FAM110B: variants seen among roughly 807,000 people sequenced by gnomAD.
The protein encoded by FAM110B is family with sequence similarity 110 member B.
In FAM110B, 6 loss-of-function variants were observed where a neutral mutation model predicts 20.4. The observed-to-expected ratio is 0.29, with a 90% CI of 0.16 to 0.58. The LOEUF (loss-of-function observed/expected upper bound fraction) is 0.58. Among genes scored for constraint, FAM110B ranks in the 20% least tolerant of loss-of-function variants. FAM110B has a pLI of 0.90. For synonymous variants in FAM110B, 226 were observed against 214.1 expected, an observed-to-expected ratio of 1.06 and a Z score of -0.49; for missense variants, 434 against 498.2, an observed-to-expected ratio of 0.87 and a Z score of 1.23.
At chr8:58,072,720 TATC>T (rs1402372685) in intron 2 of FAM110B, among the ~76,000 whole-genome samples, 1 of 152,224 alleles carries the variant, frequency 6.6e-6, no homozygotes, top group Non-Finnish European at 1.5e-5. Context: ...TAAACATACA[TATC>T]ATATTTTAAA....
chr8:57,998,061 T>G (rs1320550677), intron 1 of FAM110B, among the ~76,000 whole-genome samples: 2 of 152,222 alleles, frequency 1.3e-5, no homozygotes, highest in Admixed American at 1.3e-4. Flanking sequence ...TCTTTTCAGG[T>G]TTGATGTCAA....
At chr8:58,020,250 T>G (rs1804724050) in intron 1 of FAM110B, among the ~76,000 whole-genome samples, 1 of 152,222 alleles carries the variant, frequency 6.6e-6, no homozygotes, top group African/African-American at 2.4e-5. Flanking sequence ...CTAAAGTCCT[T>G]CACTAGTGAG....
In FAM110B at chr8:58,148,322, G is replaced by T. The variant is rs1022703375; in HGVS notation, c.*979G>T. 6.0e-6 allele frequency: 1 copy of T among 166,948 alleles called. No individual in the cohort carries two copies. Among genetic ancestry groups the T allele is most frequent in the Non-Finnish European group, 1.5e-5 (1 of 68,098 alleles). 10.3% of individuals were successfully genotyped at this position (166,948 alleles called of 1,614,324 possible). On this transcript the variant is annotated 3_prime_UTR_variant, in exon 4 of 4. Coordinates refer to ENST00000519262, the MANE Select transcript of FAM110B (RefSeq NM_001377989.1). ...CAGAAGTCAAATACCAGCCATATCA[G>T]TAGAGCCTTCCATTCAAAAGTGAAC...
intron 3 of FAM110B, among the ~76,000 whole-genome samples, chr8:58,087,391 T>C (rs1806363565): frequency 6.6e-6 from 1 of 152,200 alleles, no homozygotes; most frequent in Admixed American, 6.5e-5. Flanking sequence ...GCTTTTTGAA[T>C]AGGCATATAC....
At position 58,014,793 on chromosome 8, in the gene FAM110B, C is replaced by T. The variant is rs190346625; in HGVS notation, c.-511-16813C>T. Among the ~76,000 whole-genome samples, 13 of 150,170 alleles carry T rather than the reference C, an allele frequency of 8.7e-5. No individual in the cohort carries two copies. The East Asian group carries it at 2.0e-3, about 23-fold the overall frequency. Reference sequence around the variant, plus strand: ...GTTATCGTTTATTAAACATTTTGGACATCTGGAAGCAAACCTATTATCTTT... The same window carrying T: ...GTTATCGTTTATTAAACATTTTGGATATCTGGAAGCAAACCTATTATCTTT... On this transcript the variant is annotated intron_variant, in intron 1 of 3. Transcript: ENST00000519262.
At chr8:58,074,457 C>T (rs1265276136) in intron 2 of FAM110B, among the ~76,000 whole-genome samples, 1 of 152,156 alleles carries the variant, frequency 6.6e-6, no homozygotes, top group Admixed American at 6.5e-5. Flanking sequence ...CCCAGAGAGC[C>T]CATGGCTTGT....
chr8:58,081,608 AT>A (rs1199781590), intron 3 of FAM110B, among the ~76,000 whole-genome samples: 4 of 151,888 alleles, frequency 2.6e-5, no homozygotes, highest in Non-Finnish European at 5.9e-5. Flanking sequence ...GCCACCTCTC[AT>A]CTGGGCTCTT....
chr8:58,058,288 T>A (rs975757286), intron 2 of FAM110B, among the ~76,000 whole-genome samples: 2 of 151,202 alleles, frequency 1.3e-5, no homozygotes, highest in Admixed American at 1.3e-4. Context: ...TTCTTTGACC[T>A]CAAGATGCTT....
chr8:58,066,110 C>T (rs980761933), intron 2 of FAM110B, among the ~76,000 whole-genome samples: 11 of 152,034 alleles, frequency 7.2e-5, no homozygotes, highest in African/African-American at 1.7e-4. Context: ...CGTAGTACCC[C>T]GCCCCCTTCA....
At chr8:58,062,330 G>T (rs1021777880) in intron 2 of FAM110B, among the ~76,000 whole-genome samples, 4 of 152,140 alleles carry the variant, frequency 2.6e-5, no homozygotes, top group Non-Finnish European at 4.4e-5. Context: ...TTCAACAGAA[G>T]AAAAGTCTTA....
intron 3 of FAM110B, among the ~76,000 whole-genome samples, chr8:58,136,083 C>T (rs551186496): frequency 1.2e-4 from 17 of 146,484 alleles, no homozygotes; most frequent in African/African-American, 4.3e-4. Flanking sequence ...GTGATCTCGG[C>T]TCACTGCAAC....
intron 3 of FAM110B, among the ~76,000 whole-genome samples, chr8:58,104,015 G>A (rs564936049): frequency 6.6e-6 from 1 of 152,296 alleles, no homozygotes; most frequent in African/African-American, 2.4e-5. Context: ...TGCCAAATGA[G>A]TGAATAAAAG....
intron 2 of FAM110B, among the ~76,000 whole-genome samples, chr8:58,071,007 G>A (rs754520619): frequency 5.9e-5 from 9 of 152,086 alleles, no homozygotes; most frequent in South Asian, 2.1e-4. Flanking sequence ...AGAAATTTTC[G>A]TCTCATGGCT....
chr8:58,115,489 G>A lies in FAM110B; in HGVS notation c.-324-30418G>A, dbSNP rs1807183042. 2.0e-5 allele frequency among the ~76,000 whole-genome samples: 3 copies of A among 151,654 alleles called. No individual in the cohort carries two copies. The South Asian group carries it at 6.2e-4, about 31-fold the overall frequency. The stretch of plus-strand genomic sequence containing the variant: ...GCTCACTGCAACCTCCTCCTCCTGG[G>A]TTCAGTCGATTCTCGTGCCTCAGCC... On this transcript the variant is annotated intron_variant, in intron 3 of 3. Coordinates refer to ENST00000519262, the MANE Select transcript of FAM110B (RefSeq NM_001377989.1).
rs1038919886 is a variant in FAM110B, at chr8:58,074,253, G to GT, written c.-413-1281dup. On this transcript the variant is annotated intron_variant, in intron 2 of 3. Coordinates refer to ENST00000519262, the MANE Select transcript of FAM110B (RefSeq NM_001377989.1). ...TCCCTGTCTCCTTTGCTACCCCCCT[G>GT]TAAGTAGCTATTCTCCAACGCTCTG... is the stretch of plus-strand genomic sequence containing the variant. Among the ~76,000 whole-genome samples, 59 of 152,142 alleles carry GT rather than the reference G, an allele frequency of 3.9e-4. 1 individual carries two copies. Among genetic ancestry groups the GT allele is most frequent in the Admixed American group, 3.9e-4 (6 of 15,290 alleles).
At chr8:58,063,919 A>G (rs1362108429) in intron 2 of FAM110B, among the ~76,000 whole-genome samples, 1 of 152,218 alleles carries the variant, frequency 6.6e-6, no homozygotes, top group Non-Finnish European at 1.5e-5. Flanking sequence ...TTTATAAAGA[A>G]AAGAGGTTTA....
At chr8:58,075,843 G>A (rs778086266) in intron 3 of FAM110B, among the ~76,000 whole-genome samples, 6 of 152,178 alleles carry the variant, frequency 3.9e-5, no homozygotes, top group African/African-American at 1.2e-4. Flanking sequence ...GCTGTTTGCC[G>A]TTCCAAGGGG....
chr8:58,084,164 T>A (rs1806271476), intron 3 of FAM110B, among the ~76,000 whole-genome samples: 1 of 152,206 alleles, frequency 6.6e-6, no homozygotes, highest in Admixed American at 6.5e-5. Flanking sequence ...AAGACCTTGC[T>A]GGCTGCCATC....
At chr8:58,117,913 AC>A (rs1307446472) in intron 3 of FAM110B, among the ~76,000 whole-genome samples, 2 of 152,210 alleles carry the variant, frequency 1.3e-5, no homozygotes, top group African/African-American at 4.8e-5. Flanking sequence ...AAACTAACGG[AC>A]ATTAAATACA....
Sources: gnomAD v4.1 joint callset for allele counts (sites outside exome capture counted in the v4.1 genomes callset) on GRCh38, gnomAD v4.1.1 for gene constraint, MANE v1.5 for transcripts, NCBI Gene and HGNC (gene_info 2026-07-23, HGNC 2026-07-21) for gene names.